MYO5A: variants seen among roughly 807,000 people sequenced by gnomAD.
The protein encoded by MYO5A is myosin VA.
A neutral mutation model predicts 249.7 loss-of-function variants in MYO5A; 98 were observed. That is an observed-to-expected ratio of 0.39 (90% CI 0.33 to 0.46). The LOEUF (loss-of-function observed/expected upper bound fraction) is 0.46. Among genes scored for constraint, MYO5A ranks in the 20% least tolerant of loss-of-function variants. MYO5A has a pLI of 0.98. For missense variants in MYO5A, 1,696 were observed against 2,308.8 expected (o/e 0.73, Z 5.44); for synonymous variants, 778 against 810.6 (o/e 0.96, Z 0.68).
intron 1 of MYO5A, among the ~76,000 whole-genome samples, chr15:52,444,444 G>A (rs929052674): frequency 6.6e-6 from 1 of 152,136 alleles, no homozygotes; most frequent in Non-Finnish European, 1.5e-5. Context: ...CTCATAATAT[G>A]CTTTATAATT....
intron 25 of MYO5A, among the ~76,000 whole-genome samples, chr15:52,359,338 T>C (rs1417711200): frequency 6.6e-6 from 1 of 152,194 alleles, no homozygotes; most frequent in African/African-American, 2.4e-5. Context: ...TTAGAATTGG[T>C]TGGGAATAAT....
intron 32 of MYO5A, 100 bp from the exon 33 acceptor site, chr15:52,337,984 T>C: frequency 1.3e-6 from 1 of 774,898 alleles, no homozygotes; most frequent in South Asian, 1.9e-5. Context: ...AAAATACAAA[T>C]AGTGAAACTA....
At position 52,308,858 on chromosome 15, in the gene MYO5A, A is replaced by G. The variant is rs1328352300; in HGVS notation, c.*4838T>C. ...CCCTCACAGCACAGCCTGAGAACAA[A>G]TTACAATGCACTCATCCATGAACAG... On this transcript the variant is annotated 3_prime_UTR_variant, in exon 42 of 42. Coordinates refer to ENST00000399233, the MANE Select transcript of MYO5A (RefSeq NM_001382347.1). 3 of 152,866 alleles carry G rather than the reference A, an allele frequency of 2.0e-5. No individual in the cohort carries two copies. In the East Asian group the frequency reaches 5.8e-4, roughly 29 times the overall value. The allele number at this position is 152,866 out of a possible 1,614,324, so 9.5% of individuals were successfully genotyped here.
rs2037735206 is a variant in MYO5A at position 52,310,216 on chromosome 15, T to C, written c.*3480A>G. 1 of 152,268 alleles carries C rather than the reference T, an allele frequency of 6.6e-6. No homozygotes were observed. Among genetic ancestry groups the C allele is most frequent in the African/African-American group, 2.4e-5 (1 of 41,478 alleles). 9.4% of individuals were successfully genotyped at this position (152,268 alleles called of 1,614,324 possible). A position where few individuals can be genotyped will look rare whatever the true frequency, so the allele number is the denominator to read the frequency against. ...CACCTGACAAAAGAAGCATCAGATA[T>C]GTGGAAATTTTTTAAACTTCCAAAG... is the stretch of plus-strand genomic sequence containing the variant. On this transcript the variant is annotated 3_prime_UTR_variant, in exon 42 of 42. Coordinates refer to ENST00000399233, the MANE Select transcript of MYO5A (RefSeq NM_001382347.1).
intron 1 of MYO5A, among the ~76,000 whole-genome samples, chr15:52,492,958 G>C (rs2141545492): frequency 1.3e-5 from 2 of 152,274 alleles, no homozygotes; most frequent in East Asian, 3.9e-4. Flanking sequence ...ATAGTGCTTA[G>C]GCTATGAGTC....
At chr15:52,441,184 T>C (rs1595689979) in intron 1 of MYO5A, among the ~76,000 whole-genome samples, 2 of 152,136 alleles carry the variant, frequency 1.3e-5, no homozygotes, top group African/African-American at 2.4e-5. Context: ...TAAAAGCACA[T>C]GATGAGCTCC....
intron 20 of MYO5A, among the ~76,000 whole-genome samples, chr15:52,374,820 T>C (rs2041317666): frequency 1.3e-5 from 2 of 152,272 alleles, no homozygotes; most frequent in Admixed American, 6.5e-5. Context: ...GAATTAATTT[T>C]GGCTGTTTTA....
At chr15:52,320,929 C>T (rs1439517092) in intron 38 of MYO5A, among the ~76,000 whole-genome samples, 2 of 151,540 alleles carry the variant, frequency 1.3e-5, no homozygotes, top group Non-Finnish European at 2.9e-5. Flanking sequence ...AGGAGAATGG[C>T]GTGAACCCGG....
chr15:52,458,033 A>C (rs191773587), intron 1 of MYO5A, among the ~76,000 whole-genome samples: 38 of 152,334 alleles, frequency 2.5e-4, no homozygotes, highest in African/African-American at 8.7e-4. Context: ...ATTCTCATTC[A>C]TATGTAAGCT....
chr15:52,379,542 G>T, intron 18 of MYO5A, 83 bp downstream of exon 18: 2 of 1,189,296 alleles, frequency 1.7e-6, no homozygotes, highest in Non-Finnish European at 2.5e-6. Context: ...CTAGTAAAAT[G>T]TTATACAAAA....
intron 11 of MYO5A, among the ~76,000 whole-genome samples, chr15:52,393,672 C>T (rs11854942): frequency 0.1 from 15,204 of 152,234 alleles, 866 homozygotes; most frequent in Middle Eastern, 0.16. Flanking sequence ...GAATTACAGG[C>T]GTGAGCCACC....
chr15:52,430,853 T>C (rs1401798173), intron 2 of MYO5A, among the ~76,000 whole-genome samples: 4 of 151,976 alleles, frequency 2.6e-5, no homozygotes, highest in African/African-American at 9.7e-5. Context: ...GTACACATAA[T>C]CAAAGGAAGA....
chr15:52,346,331 C>G, intron 30 of MYO5A, 30 bp downstream of exon 30: 1 of 1,387,916 alleles, frequency 7.2e-7, no homozygotes, highest in East Asian at 2.3e-5. Flanking sequence ...TATAATTAAA[C>G]CAAAATGAAT....
At chr15:52,461,312 T>C (rs1487958575) in intron 1 of MYO5A, among the ~76,000 whole-genome samples, 1 of 152,214 alleles carries the variant, frequency 6.6e-6, no homozygotes, top group East Asian at 1.9e-4. Flanking sequence ...ACTTAAAATC[T>C]TAGCAGTGGT....
chr15:52,524,803 G>A (rs1219958301), intron 1 of MYO5A, among the ~76,000 whole-genome samples: 1 of 151,810 alleles, frequency 6.6e-6, no homozygotes, highest in Non-Finnish European at 1.5e-5. Context: ...AGGAGTTAAA[G>A]GCTACAGTGA....
intron 1 of MYO5A, among the ~76,000 whole-genome samples, chr15:52,489,367 A>G (rs771734177): frequency 6.6e-6 from 1 of 151,930 alleles, no homozygotes; most frequent in Non-Finnish European, 1.5e-5. Context: ...GATCAAGACC[A>G]TCCTGATTAA....
intron 4 of MYO5A, among the ~76,000 whole-genome samples, chr15:52,416,966 C>A (rs555499253): frequency 6.6e-6 from 1 of 152,294 alleles, no homozygotes; most frequent in South Asian, 2.1e-4. Context: ...TCTTTTAATT[C>A]CTGTTCCACT....
rs111488678 is a variant in MYO5A, at chr15:52,499,708, C to T, written c.27+29072G>A. ...AATAATGTTCCATTGTATAAATACA[C>T]GACATTTTGTTTATCCATTCATCCA... On this transcript the variant is annotated intron_variant, in intron 1 of 41. Transcript: ENST00000399233. Among the ~76,000 whole-genome samples the T allele has an allele frequency of 9.3e-3, 1,411 of 152,242 alleles. 17 individuals carry two copies. The highest frequency in any genetic ancestry group is 0.032 in the African/African-American group (1,345 of 41,532).
rs372631215 is a variant in MYO5A at position 52,407,158 on chromosome 15, T to G, written c.946+134A>C. On this transcript the variant is annotated intron_variant, in intron 8 of 41. Coordinates refer to ENST00000399233, the MANE Select transcript of MYO5A (RefSeq NM_001382347.1). ...ATCTCCTGCCCATTTGCTGTCTAAATGTGTTCTATGTGGAATATTAAATCT... is the reference window on the plus strand; with the variant it reads ...ATCTCCTGCCCATTTGCTGTCTAAAGGTGTTCTATGTGGAATATTAAATCT... The G allele has an allele frequency of 1.1e-4, 75 of 709,890 alleles. No homozygotes were observed. In the African/African-American group the frequency reaches 1.1e-3, roughly 11 times the overall value. The allele number at this position is 709,890 out of a possible 1,614,324, so 44.0% of individuals were successfully genotyped here. A position where few individuals can be genotyped will look rare whatever the true frequency, so the allele number is the denominator to read the frequency against.
Sources: allele counts gnomAD v4.1 joint callset (sites outside exome capture counted in the v4.1 genomes callset), GRCh38; gene constraint gnomAD v4.1.1; transcripts MANE v1.5; gene names NCBI Gene and HGNC (gene_info 2026-07-23, HGNC 2026-07-21).